RAB2A: variants seen among roughly 807,000 people sequenced by gnomAD.
RAB2A encodes RAB2A, member RAS oncogene family, also known as ras-related protein Rab-2A.
In RAB2A, 7 loss-of-function variants were observed where a neutral mutation model predicts 32.5. That is an observed-to-expected ratio of 0.22 (90% CI 0.12 to 0.40). The LOEUF (loss-of-function observed/expected upper bound fraction) is 0.40, where lower values mean the gene tolerates loss of function less well. Among genes scored for constraint, RAB2A ranks in the 10% least tolerant of loss-of-function variants. The pLI, the probability that RAB2A is intolerant of heterozygous loss-of-function variation, is 1.00. For synonymous variants in RAB2A, 79 were observed against 85.2 expected (o/e 0.93, Z 0.40); for missense variants, 108 against 260.7 (o/e 0.41, Z 4.03).
intron 1 of RAB2A, among the ~76,000 whole-genome samples, chr8:60,540,198 CTT>C (rs1807618212): frequency 6.7e-6 from 1 of 149,630 alleles, no homozygotes; most frequent in Non-Finnish European, 1.5e-5. Context: ...CTCTTTTTGT[CTT>C]TTTCTCATCC....
At chr8:60,592,202 T>C in intron 6 of RAB2A, 1 of 294,214 alleles carries the variant, frequency 3.4e-6, no homozygotes, top group Non-Finnish European at 6.6e-6. Context: ...GTATTTTCAC[T>C]CCCTCCCTTT....
chr8:60,566,672 C>T (rs984489888), intron 2 of RAB2A, among the ~76,000 whole-genome samples: 1 of 152,006 alleles, frequency 6.6e-6, no homozygotes, highest in African/African-American at 2.4e-5. Context: ...ATATTGTGTA[C>T]TGGTGGACAT....
rs1163486299 is a variant in RAB2A at position 60,621,990 on chromosome 8, A to G, written c.*1221A>G. ...TTACAGCAGTGCAAAATAAAATCCT[A>G]TGTATAAAAGTGTTCTTTTTTTTTA... On this transcript the variant is annotated 3_prime_UTR_variant, in exon 8 of 8. Coordinates refer to ENST00000262646, the MANE Select transcript of RAB2A (RefSeq NM_002865.3). 2 of 152,204 alleles carry G rather than the reference A, an allele frequency of 1.3e-5. No homozygotes were observed. Among genetic ancestry groups the G allele is most frequent in the South Asian group, 2.1e-4 (1 of 4,828 alleles). 9.4% of individuals were successfully genotyped at this position (152,204 alleles called of 1,614,324 possible).
At chr8:60,587,511 T>C (rs1803870615) in intron 5 of RAB2A, among the ~76,000 whole-genome samples, 2 of 152,182 alleles carry the variant, frequency 1.3e-5, no homozygotes. Flanking sequence ...ATCAATAAAT[T>C]GTTCTTTAAC....
chr8:60,604,729 C>A (rs570530532), intron 6 of RAB2A, among the ~76,000 whole-genome samples: 1 of 152,264 alleles, frequency 6.6e-6, no homozygotes, highest in African/African-American at 2.4e-5. Flanking sequence ...ATCTAAGCGA[C>A]AAAGCATTGA....
intron 1 of RAB2A, among the ~76,000 whole-genome samples, chr8:60,554,646 A>G (rs764870681): frequency 6.6e-6 from 1 of 152,106 alleles, no homozygotes; most frequent in Non-Finnish European, 1.5e-5. Flanking sequence ...TTATAGAAGT[A>G]GGTTGAGGAC....
At chr8:60,560,120 C>T (rs182253204) in intron 2 of RAB2A, among the ~76,000 whole-genome samples, 2 of 152,152 alleles carry the variant, frequency 1.3e-5, no homozygotes, top group Admixed American at 6.5e-5. Context: ...GAAAGAGTCT[C>T]GTTTTGTAGA....
intron 6 of RAB2A, 65 bp from the exon 7 acceptor site, chr8:60,618,515 G>T: frequency 2.5e-6 from 2 of 786,714 alleles, no homozygotes; most frequent in Non-Finnish European, 3.6e-6. Flanking sequence ...ATTCTATAGA[G>T]CATATATAAT....
intron 6 of RAB2A, among the ~76,000 whole-genome samples, chr8:60,610,382 A>G (rs1219532294): frequency 6.6e-6 from 1 of 152,180 alleles, no homozygotes; most frequent in East Asian, 1.9e-4. Context: ...GAAAGTCTGT[A>G]GACTTTATTT....
intron 3 of RAB2A, chr8:60,576,143 C>A: frequency 2.2e-6 from 1 of 448,428 alleles, no homozygotes; most frequent in Non-Finnish European, 4.5e-6. Flanking sequence ...CAGTGCCTCC[C>A]TTTAAGCACT....
In RAB2A at chr8:60,579,888, A is replaced by G. The variant is rs1051917170; in HGVS notation, c.187-4320A>G. The stretch of plus-strand genomic sequence containing the variant: ...GTAATATGCCTGCCTTGGCCTCCCA[A>G]AGTGCTGGGATTACAGGCGTGAGCC... On this transcript the variant is annotated intron_variant, in intron 3 of 7. Transcript: ENST00000262646. 1.1e-4 allele frequency among the ~76,000 whole-genome samples: 16 copies of G among 152,086 alleles called. 1 individual carries two copies. Among genetic ancestry groups the G allele is most frequent in the Admixed American group, 9.8e-4 (15 of 15,264 alleles).
chr8:60,559,232 T>C (rs1807983618), intron 2 of RAB2A: 3 of 253,204 alleles, frequency 1.2e-5, no homozygotes, highest in Non-Finnish European at 2.3e-5. Context: ...TGACTCAGCT[T>C]GCTGGAAGTT....
At chr8:60,570,750 C>G (rs1282914153) in intron 2 of RAB2A, among the ~76,000 whole-genome samples, 1 of 152,032 alleles carries the variant, frequency 6.6e-6, no homozygotes, top group South Asian at 2.1e-4. Context: ...ATTCATTAGG[C>G]CTGTGGGATG....
chr8:60,523,770 A>G (rs1324650376), intron 1 of RAB2A, among the ~76,000 whole-genome samples: 1 of 149,948 alleles, frequency 6.7e-6, no homozygotes, highest in Non-Finnish European at 1.5e-5. Context: ...GGCTCACTGC[A>G]AGCTCCGTCT....
chr8:60,551,196 C>G (rs778959438), intron 1 of RAB2A, among the ~76,000 whole-genome samples: 2 of 152,170 alleles, frequency 1.3e-5, no homozygotes, highest in Non-Finnish European at 2.9e-5. Context: ...GCAACTGATT[C>G]TATTTCTCTC....
chr8:60,620,979 T>G lies in RAB2A; in HGVS notation c.*210T>G, dbSNP rs1388082321. On this transcript the variant is annotated 3_prime_UTR_variant, in exon 8 of 8. Transcript: ENST00000262646. The stretch of plus-strand genomic sequence containing the variant: ...AGATTGTATTCATATCTATTTGCAT[T>G]TGATTTCTAGGTCAATTGATGTGAT... The G allele has an allele frequency of 2.0e-6, 1 of 488,204 alleles. No individual in the cohort carries two copies. The highest frequency in any genetic ancestry group is 3.6e-6 in the Non-Finnish European group (1 of 277,620). 30.2% of individuals were successfully genotyped at this position (488,204 alleles called of 1,614,324 possible). A position where few individuals can be genotyped will look rare whatever the true frequency, so the allele number is the denominator to read the frequency against.
chr8:60,566,311 G>A (rs1009532648), intron 2 of RAB2A, among the ~76,000 whole-genome samples: 3 of 152,170 alleles, frequency 2.0e-5, no homozygotes, highest in African/African-American at 7.2e-5. Context: ...GTAAATTAGA[G>A]TCAAAAAAAT....
chr8:60,594,657 G>A (rs7341633), intron 6 of RAB2A, among the ~76,000 whole-genome samples: 12,470 of 151,992 alleles, frequency 0.082, 1,549 homozygotes, highest in African/African-American at 0.27. Flanking sequence ...AACAGGCCCC[G>A]GTGTGTGATG....
chr8:60,547,123 A>G (rs564704244), intron 1 of RAB2A, among the ~76,000 whole-genome samples: 1 of 151,536 alleles, frequency 6.6e-6, no homozygotes, highest in Admixed American at 6.6e-5. Flanking sequence ...GCCTTCAAGC[A>G]TCTGTTTAAC....
Sources: allele counts gnomAD v4.1 joint callset (sites outside exome capture counted in the v4.1 genomes callset), GRCh38; gene constraint gnomAD v4.1.1; transcripts MANE v1.5; gene names NCBI Gene and HGNC (gene_info 2026-07-23, HGNC 2026-07-21).